Variants in OR4P4 observed in about 807,000 individuals in gnomAD.
OR4P4 encodes olfactory receptor 4P4.
A neutral mutation model predicts 2.1 loss-of-function variants in OR4P4; 1 was observed. The observed-to-expected ratio is 0.47, with a 90% CI of 0.17 to 2.21. The LOEUF (loss-of-function observed/expected upper bound fraction) is 2.21. OR4P4 is among the 30% of genes most tolerant of loss of function. The pLI is 0.27. For missense variants in OR4P4, 375 were observed against 376.5 expected (o/e 1.00, Z 0.03); for synonymous variants, 129 against 133.2 (o/e 0.97, Z 0.22).
At chr11:55,637,913 T>C (rs546659817) in intron 1 of OR4P4, among the ~76,000 whole-genome samples, 1 of 138,732 alleles carries the variant, frequency 7.2e-6, no homozygotes, top group Admixed American at 7.9e-5. Context: ...ATGAATTTTC[T>C]ACATTATTTA....
chr11:55,635,869 G>T (rs1858382950), intron 1 of OR4P4, among the ~76,000 whole-genome samples: 2 of 137,306 alleles, frequency 1.5e-5, no homozygotes, highest in Non-Finnish European at 3.2e-5. Flanking sequence ...TGGATTAAAT[G>T]AACACTAAGC....
exon 2 of OR4P4, chr11:55,638,347 T>C (rs751009518): frequency 8.2e-7 from 1 of 1,216,016 alleles, no homozygotes; most frequent in Non-Finnish European, 1.1e-6. Flanking sequence ...ATGTTCTATC[T>C]ACACTGGACC....
rs17146842 is a variant in OR4P4, at chr11:55,636,660, A to G, written c.-31+1444A>G. On this transcript the variant is annotated intron_variant, in intron 1 of 1. Transcript: ENST00000641760. Reference sequence around the variant, plus strand: ...TTTGCTATATACCATTTGTGTTACTATGTACAATTTCCTAAAGCTCTAGAA... The same window carrying G: ...TTTGCTATATACCATTTGTGTTACTGTGTACAATTTCCTAAAGCTCTAGAA... 7.5e-3 allele frequency among the ~76,000 whole-genome samples: 1,034 copies of G among 137,854 alleles called. 120 individuals are homozygous for G. Among genetic ancestry groups the G allele is most frequent in the African/African-American group, 0.024 (978 of 40,014 alleles). 90.4% of individuals were successfully genotyped at this position (137,854 alleles called of 152,430 possible).
At position 55,635,255 on chromosome 11, in the gene OR4P4, G is replaced by A. The variant is rs1485167798; in HGVS notation, c.-31+39G>A. On this transcript the variant is annotated intron_variant, in intron 1 of 1. Transcript: ENST00000641760. ...ATGGGGGACATATAAATAATTAACT[G>A]TAAGTAAGTAAGAAATGCCTTGGGA... The A allele has an allele frequency of 1.2e-4, 16 of 137,910 alleles. 2 individuals are homozygous for A. The highest frequency in any genetic ancestry group is 4.0e-4 in the African/African-American group (16 of 39,900). The allele number at this position is 137,910 out of a possible 1,614,324, so 8.5% of individuals were successfully genotyped here.
rs1030384116 is a variant in OR4P4, at chr11:55,640,264, T to C, written c.*968T>C. On this transcript the variant is annotated 3_prime_UTR_variant, in exon 2 of 2. Coordinates refer to ENST00000641760, the Ensembl canonical transcript of OR4P4. Reference sequence around the variant, plus strand: ...GTCTTCTTAGTGTTTCATTTGTGAGTCATTTCTCATGTTGGTAAGTTTTCT... The same window carrying C: ...GTCTTCTTAGTGTTTCATTTGTGAGCCATTTCTCATGTTGGTAAGTTTTCT... 1.2e-4 allele frequency: 16 copies of C among 136,858 alleles called. 1 individual carries two copies. Among genetic ancestry groups the C allele is most frequent in the Non-Finnish European group, 1.9e-4 (12 of 61,968 alleles). 8.5% of individuals were successfully genotyped at this position (136,858 alleles called of 1,614,324 possible).
rs778745175 is a variant in OR4P4 at position 55,638,588 on chromosome 11, C to A, written c.231C>A (p.Pro77=). ...TTTGCTACACATCCACAGTGACCCC[C>A]AAATTAATGGTTGACTTACTGGCAG... The change falls in exon 2 of 2, where the codon CCC becomes CCA. Residue 77 remains proline (P), a synonymous_variant. Coordinates refer to ENST00000641760, the Ensembl canonical transcript of OR4P4. The A allele has an allele frequency of 5.4e-6, 8 of 1,481,124 alleles. 3 individuals are homozygous for A. Among genetic ancestry groups the A allele is most frequent in the Non-Finnish European group, 7.4e-6 (8 of 1,088,342 alleles). The allele number at this position is 1,481,124 out of a possible 1,614,324, so 91.7% of individuals were successfully genotyped here.
intron 1 of OR4P4, among the ~76,000 whole-genome samples, chr11:55,635,574 C>T (rs1389242728): frequency 7.3e-6 from 1 of 136,954 alleles, no homozygotes; most frequent in South Asian, 2.4e-4. Flanking sequence ...ATTCAACATG[C>T]TGAAGATGTC....
exon 2 of OR4P4, chr11:55,640,211 G>A (rs2120186386): frequency 7.3e-6 from 1 of 136,334 alleles, no homozygotes; most frequent in Non-Finnish European, 1.6e-5. Context: ...AAGAGTAAGA[G>A]TGATTTACAT....
rs754844051 is a variant in OR4P4 at position 55,639,239 on chromosome 11, C to T, written c.882C>T (p.Asn294=). Reference sequence around the variant, plus strand: ...CGCTGAGAAACACAGAGATGAAGAACGCCATGAGGAAAGTGTGGTGTTGTC... The same window carrying T: ...CGCTGAGAAACACAGAGATGAAGAATGCCATGAGGAAAGTGTGGTGTTGTC... The change falls in exon 2 of 2, where the codon AAC becomes AAT. Residue 294 remains asparagine, a synonymous_variant. Coordinates refer to ENST00000641760, the Ensembl canonical transcript of OR4P4. The T allele has an allele frequency of 3.4e-6, 5 of 1,486,128 alleles. 1 individual carries two copies. The highest frequency in any genetic ancestry group is 2.8e-5 in the African/African-American group (2 of 72,578). 92.1% of individuals were successfully genotyped at this position (1,486,128 alleles called of 1,614,324 possible).
intron 1 of OR4P4, 50 bp downstream of exon 1, chr11:55,635,266 A>G (rs1444472143): frequency 2.2e-5 from 3 of 138,140 alleles, no homozygotes; most frequent in Non-Finnish European, 4.9e-5. Context: ...TAAGTAAGTA[A>G]GAAATGCCTT....
chr11:55,638,996 G>A (rs751944135), exon 2 of OR4P4: 2 of 1,489,546 alleles, frequency 1.3e-6, no homozygotes, highest in South Asian at 1.2e-5. Context: ...TTGTCTTGTT[G>A]TTGTCTTATG....
chr11:55,638,488 T>G, exon 2 of OR4P4: 2 of 1,480,710 alleles, frequency 1.4e-6, no homozygotes, highest in Admixed American at 2.0e-5. Flanking sequence ...TTACTCATAA[T>G]GATTTCTATC....
rs112073392 is a variant in OR4P4, at chr11:55,639,260, T to C, written c.903T>C (p.Cys301=). 6 of 1,475,572 alleles carry C rather than the reference T, an allele frequency of 4.1e-6. 1 individual carries two copies. In the South Asian group the frequency reaches 4.8e-5, roughly 12 times the overall value. The allele number at this position is 1,475,572 out of a possible 1,614,324, so 91.4% of individuals were successfully genotyped here. A position where few individuals can be genotyped will look rare whatever the true frequency, so the allele number is the denominator to read the frequency against. The change falls in exon 2 of 2, where the codon TGT becomes TGC. Residue 301 remains cysteine (C), a synonymous_variant. Transcript: ENST00000641760. ...AGAACGCCATGAGGAAAGTGTGGTG[T>C]TGTCAAATACTCCTGAAAAGAAATC...
At chr11:55,637,594 G>A (rs902027691) in intron 1 of OR4P4, among the ~76,000 whole-genome samples, 1 of 137,712 alleles carries the variant, frequency 7.3e-6, no homozygotes, top group African/African-American at 2.5e-5. Flanking sequence ...TGGTAACATG[G>A]AGAGATGAGG....
At chr11:55,639,597 T>C (rs1434472938) in exon 2 of OR4P4, 3 of 258,036 alleles carry the variant, frequency 1.2e-5, no homozygotes, top group Non-Finnish European at 2.2e-5. Context: ...TATGTGTTTT[T>C]TGTGCCTTAA....
At chr11:55,637,076 G>T (rs1452349182) in intron 1 of OR4P4, among the ~76,000 whole-genome samples, 1 of 138,036 alleles carries the variant, frequency 7.2e-6, no homozygotes, top group Non-Finnish European at 1.6e-5. Flanking sequence ...TTGCCAGGTA[G>T]AGAATTTAGT....
In OR4P4 at chr11:55,638,461, C is replaced by A; in HGVS notation, c.104C>A (p.Ala35Asp). Reference sequence around the variant, plus strand: ...GTATTATTTTTGTTTTGCTACATTGCTATTTGGATGGGAAACTTACTCATA... The same window carrying A: ...GTATTATTTTTGTTTTGCTACATTGATATTTGGATGGGAAACTTACTCATA... Residue 35 changes from alanine (A) to aspartate (D), a missense_variant, in exon 2 of 2, where the codon GCT becomes GAT. Physicochemically the swap from Ala to Asp is moderately radical, Grantham distance 126. Coordinates refer to ENST00000641760, the Ensembl canonical transcript of OR4P4. 5 of 1,465,890 alleles carry A rather than the reference C, an allele frequency of 3.4e-6. 2 individuals are homozygous for A. The highest frequency in any genetic ancestry group is 4.7e-6 in the Non-Finnish European group (5 of 1,074,334). The allele number at this position is 1,465,890 out of a possible 1,614,324, so 90.8% of individuals were successfully genotyped here. A position where few individuals can be genotyped will look rare whatever the true frequency, so the allele number is the denominator to read the frequency against.
intron 1 of OR4P4, among the ~76,000 whole-genome samples, chr11:55,636,247 C>G (rs1858387240): frequency 7.3e-6 from 1 of 137,470 alleles, no homozygotes; most frequent in Non-Finnish European, 1.6e-5. Flanking sequence ...TATTGCTATT[C>G]ATGTTTGGGA....
exon 2 of OR4P4, chr11:55,638,513 C>A (rs1297045906): frequency 1.3e-6 from 2 of 1,486,942 alleles, no homozygotes; most frequent in Non-Finnish European, 1.8e-6. Flanking sequence ...GCACCCAGCT[C>A]ATTCACCAAC....
Sources: gnomAD v4.1 joint callset for allele counts (sites outside exome capture counted in the v4.1 genomes callset) on GRCh38, gnomAD v4.1.1 for gene constraint, MANE v1.5 for transcripts, NCBI Gene and HGNC (gene_info 2026-07-23, HGNC 2026-07-21) for gene names.